CLIP3: variants seen among roughly 807,000 people sequenced by gnomAD.
CLIP3 encodes CAP-Gly domain-containing linker protein 3.
CLIP3 carries 15 observed loss-of-function variants against 59.4 expected under a neutral mutation model. The observed-to-expected ratio is 0.25, with a 90% CI of 0.17 to 0.39. The LOEUF (loss-of-function observed/expected upper bound fraction) is 0.39. Among genes scored for constraint, CLIP3 ranks in the 10% least tolerant of loss-of-function variants. The pLI, the probability that CLIP3 is intolerant of heterozygous loss-of-function variation, is 1.00. For synonymous variants in CLIP3, 300 were observed against 321.6 expected (o/e 0.93, Z 0.72); for missense variants, 495 against 765.7 (o/e 0.65, Z 4.17).
intron 12 of CLIP3, 83 bp downstream of exon 12, chr19:36,017,303 C>T: frequency 7.8e-7 from 1 of 1,288,294 alleles, no homozygotes; most frequent in Non-Finnish European, 1.1e-6. Context: ...CAGAGACTGT[C>T]ACCAGTATAT....
chr19:36,030,996 TTTTTTTCTTTTCTTTTTTTTTTTTTTC>T (rs1969240305), intron 2 of CLIP3, among the ~76,000 whole-genome samples: 2 of 107,844 alleles, frequency 1.9e-5, no homozygotes, highest in African/African-American at 8.7e-5. Flanking sequence ...TTCTTTTTTC[TTTTTTTCTTTTCTTTTTTTTTTTTTTC>T]TTTTTTTTTT....
chr19:36,026,864 T>C lies in CLIP3; in HGVS notation c.400+88A>G, dbSNP rs1349311472. 2 of 1,529,810 alleles carry C rather than the reference T, an allele frequency of 1.3e-6. No homozygotes were observed. Among genetic ancestry groups the C allele is most frequent in the African/African-American group, 2.7e-5 (2 of 72,766 alleles). 94.8% of individuals were successfully genotyped at this position (1,529,810 alleles called of 1,614,324 possible). A position where few individuals can be genotyped will look rare whatever the true frequency, so the allele number is the denominator to read the frequency against. ...GGGATCCGAAGCTTCGGGTTCCAGA[T>C]GGGGCCTGAGTTCTGGGTGGTTTTC... On this transcript the variant is annotated intron_variant, in intron 4 of 13. Coordinates refer to ENST00000360535, the MANE Select transcript of CLIP3 (RefSeq NM_015526.3). The surrounding 1 kb of genome is among the most constrained non-coding windows in gnomAD (Gnocchi z 6.3).
rs111756377 is a variant in CLIP3, at chr19:36,024,082, G to A, written c.918+314C>T. 1.3e-3 allele frequency among the ~76,000 whole-genome samples: 195 copies of A among 152,264 alleles called. 2 individuals carry two copies. The highest frequency in any genetic ancestry group is 4.5e-3 in the African/African-American group (188 of 41,556). ...GGCCTGATCGAGGACCACAAGACCCGGGGGGAGCCACAGGTGCACAGAGCT... is the reference window on the plus strand; with the variant it reads ...GGCCTGATCGAGGACCACAAGACCCAGGGGGAGCCACAGGTGCACAGAGCT... On this transcript the variant is annotated intron_variant, in intron 7 of 13. Coordinates refer to ENST00000360535, the MANE Select transcript of CLIP3 (RefSeq NM_015526.3).
chr19:36,024,368 C>A, intron 7 of CLIP3, 28 bp downstream of exon 7: 1 of 1,585,228 alleles, frequency 6.3e-7, no homozygotes, highest in South Asian at 1.1e-5. Context: ...CCCCACCCAC[C>A]ATGCAAACAC....
Position 36,024,425 on chromosome 19 carries a change from C to T in CLIP3, c.889G>A (p.Gly297Arg). The change falls in exon 7 of 14, where the codon GGA becomes AGA. Residue 297 changes from glycine to arginine, a missense_variant. Gly to Arg is a moderately radical substitution (Grantham distance 125). This residue lies in a region of CLIP3 where 194 missense variants were observed against 327.8 expected (regional missense o/e 0.59). Transcript: ENST00000360535. ...LMLSALGLRL[G>R]DRVLLDGQKT... ...TGGCCATCCAGCAGCACGCGGTCTC[C>T]CAGGCGCAAGCCCAGTGCGCTAAGC... 1 of 1,614,118 alleles carries T rather than the reference C, an allele frequency of 6.2e-7. No homozygotes were observed. The highest frequency in any genetic ancestry group is 8.5e-7 in the Non-Finnish European group (1 of 1,180,044).
intron 2 of CLIP3, among the ~76,000 whole-genome samples, chr19:36,029,533 C>G (rs892545162): frequency 6.6e-6 from 1 of 151,724 alleles, no homozygotes; most frequent in African/African-American, 2.4e-5. Flanking sequence ...GATCCTCCCA[C>G]TTTGGCTTCC....
chr19:36,016,032 C>A lies in CLIP3; in HGVS notation c.*126G>T, dbSNP rs900493625. 9.1e-5 allele frequency: 86 copies of A among 943,322 alleles called. No homozygotes were observed. The South Asian group carries it at 1.1e-3, about 13-fold the overall frequency. The allele number at this position is 943,322 out of a possible 1,614,324, so 58.4% of individuals were successfully genotyped here. On this transcript the variant is annotated 3_prime_UTR_variant, in exon 14 of 14. Transcript: ENST00000360535. This position sits in a 1 kb window ranked among gnomAD's most constrained non-coding sequence, Gnocchi z 4.1. ...ATAATGGGGCCTCAATGATCGAGGG[C>A]TGGCTAACAGGGGTCTCTACTCTGG...
chr19:36,031,102 G>T (rs1470840158), intron 2 of CLIP3, among the ~76,000 whole-genome samples: 1 of 125,270 alleles, frequency 8.0e-6, no homozygotes, highest in African/African-American at 3.1e-5. Context: ...GGCAACCTCT[G>T]CCTCCCAGGT....
intron 12 of CLIP3, 102 bp from the exon 13 acceptor site, chr19:36,017,081 TCCCCA>T: frequency 8.2e-7 from 1 of 1,213,430 alleles, no homozygotes; most frequent in African/African-American, 1.5e-5. Context: ...ATGTCTCCAG[TCCCCA>T]CCTGGATCCT....
chr19:36,026,062 C>T lies in CLIP3; in HGVS notation c.681+85G>A, dbSNP rs1969096856. On this transcript the variant is annotated intron_variant, in intron 6 of 13. Transcript: ENST00000360535. This position sits in a 1 kb window ranked among gnomAD's most constrained non-coding sequence, Gnocchi z 6.3. ...ACGGCATTTGTAGTATTTGGGGAGTCACGGGAAACGCAGAGACCTGCTGGA... is the reference window on the plus strand; with the variant it reads ...ACGGCATTTGTAGTATTTGGGGAGTTACGGGAAACGCAGAGACCTGCTGGA... 1.6e-5 allele frequency: 16 copies of T among 989,754 alleles called. No homozygotes were observed. Among genetic ancestry groups the T allele is most frequent in the Non-Finnish European group, 2.5e-5 (16 of 631,120 alleles). The allele number at this position is 989,754 out of a possible 1,614,324, so 61.3% of individuals were successfully genotyped here.
At chr19:36,025,416 C>T (rs1969075635) in intron 6 of CLIP3, among the ~76,000 whole-genome samples, 1 of 151,752 alleles carries the variant, frequency 6.6e-6, no homozygotes, top group African/African-American at 2.4e-5. Context: ...CATGGTGAAA[C>T]TCCATCTCTA....
At chr19:36,021,571 G>T (rs1377303203) in intron 7 of CLIP3, among the ~76,000 whole-genome samples, 2 of 152,164 alleles carry the variant, frequency 1.3e-5, no homozygotes, top group Non-Finnish European at 2.9e-5. Context: ...CTATAGGTGT[G>T]TGCCACCATG....
rs1418539462 is a variant in CLIP3, at chr19:36,026,533, C to T, written c.562+53G>A. On this transcript the variant is annotated intron_variant, in intron 5 of 13. Transcript: ENST00000360535. This position sits in a 1 kb window ranked among gnomAD's most constrained non-coding sequence, Gnocchi z 6.3. ...CGCAGCCTGGCCTCACCTGGGTCTCCGCGTCCCTCACCCAGGTCCTTGCCC... is the reference window on the plus strand; with the variant it reads ...CGCAGCCTGGCCTCACCTGGGTCTCTGCGTCCCTCACCCAGGTCCTTGCCC... 4 of 1,602,260 alleles carry T rather than the reference C, an allele frequency of 2.5e-6. No homozygotes were observed. Among genetic ancestry groups the T allele is most frequent in the African/African-American group, 1.3e-5 (1 of 74,738 alleles).
At position 36,015,785 on chromosome 19, in the gene CLIP3, T is replaced by G; in HGVS notation, c.*373A>C. ...GGACTTAAGGGGCAGTGTTTGTTAATGGGGAGGTTTCTGATCCAGGGTTGG... is the reference window on the plus strand; with the variant it reads ...GGACTTAAGGGGCAGTGTTTGTTAAGGGGGAGGTTTCTGATCCAGGGTTGG... On this transcript the variant is annotated 3_prime_UTR_variant, in exon 14 of 14. Coordinates refer to ENST00000360535, the MANE Select transcript of CLIP3 (RefSeq NM_015526.3). 3.6e-6 allele frequency: 1 copy of G among 276,506 alleles called. No individual in the cohort carries two copies. Among genetic ancestry groups the G allele is most frequent in the Non-Finnish European group, 7.1e-6 (1 of 141,430 alleles). The allele number at this position is 276,506 out of a possible 1,614,324, so 17.1% of individuals were successfully genotyped here. A position where few individuals can be genotyped will look rare whatever the true frequency, so the allele number is the denominator to read the frequency against.
rs752104948 is a variant in CLIP3, at chr19:36,017,445, C to A, written c.1457G>T (p.Gly486Val). 6.2e-7 allele frequency: 1 copy of A among 1,614,176 alleles called. No homozygotes were observed. Among genetic ancestry groups the A allele is most frequent in the Non-Finnish European group, 8.5e-7 (1 of 1,180,036 alleles). Residue 486 changes from glycine to valine, a missense_variant, in exon 12 of 14, where the codon GGC becomes GTC. Gly to Val is a moderately radical substitution (Grantham distance 109). Around this residue, in one of 5 missense-constraint regions of CLIP3, gnomAD observed 179 missense variants for 226.2 expected, o/e 0.79. Transcript: ENST00000360535. ...GTCCCCGGGGGAATCAGTGGATCCG[C>A]CAATCCTGAGGAGACACGGGGAGGG... ...FAPASRIQRI[G>V]GSTDSPGDSV...
chr19:36,027,341 T>TGTA, intron 2 of CLIP3, 70 bp from the exon 3 acceptor site: 1 of 1,500,190 alleles, frequency 6.7e-7, no homozygotes, highest in Non-Finnish European at 8.9e-7. Flanking sequence ...GTAGGGGAGC[T>TGTA]GTAGGTCTTT....
chr19:36,027,392 A>C, intron 2 of CLIP3, 121 bp from the exon 3 acceptor site: 3 of 1,064,554 alleles, frequency 2.8e-6, no homozygotes, highest in Non-Finnish European at 3.9e-6. Flanking sequence ...AGCTGGTGGC[A>C]CATGGGCCAC....
rs1259844019 is a variant in CLIP3 at position 36,032,089 on chromosome 19, A to C, written c.166+103T>G. On this transcript the variant is annotated intron_variant, in intron 2 of 13. Transcript: ENST00000360535. This position sits in a 1 kb window ranked among gnomAD's most constrained non-coding sequence, Gnocchi z 4.3. ...CCAAGATTCCTCTGGACCACCTTCA[A>C]ATTCCCCAGAATTCTCCCACCATCA... 1.6e-6 allele frequency: 1 copy of C among 607,536 alleles called. No homozygotes were observed. Among genetic ancestry groups the C allele is most frequent in the East Asian group, 3.5e-5 (1 of 28,938 alleles). 37.6% of individuals were successfully genotyped at this position (607,536 alleles called of 1,614,324 possible).
rs201704470 is a variant in CLIP3, at chr19:36,018,840, G to T, written c.1183+58C>A. The stretch of plus-strand genomic sequence containing the variant: ...GGAGAAACTGAGTCACAGAAGCTGA[G>T]CTACCCACACAACATCCCCAAACTG... On this transcript the variant is annotated intron_variant, in intron 9 of 13. Coordinates refer to ENST00000360535, the MANE Select transcript of CLIP3 (RefSeq NM_015526.3). 3 of 1,564,866 alleles carry T rather than the reference G, an allele frequency of 1.9e-6. No homozygotes were observed. The African/African-American group carries it at 4.1e-5, about 21-fold the overall frequency.
Sources: allele counts gnomAD v4.1 joint callset (sites outside exome capture counted in the v4.1 genomes callset), GRCh38; gene constraint gnomAD v4.1.1; regional missense constraint gnomAD v4.1.1; non-coding constraint Gnocchi (gnomAD v3.1); transcripts MANE v1.5; gene names NCBI Gene and HGNC (gene_info 2026-07-23, HGNC 2026-07-21).